The following ALOXE3 variants were observed in gnomAD, a reference collection of about 807,000 sequenced individuals.
ALOXE3 encodes the protein arachidonate epidermal lipoxygenase 3, also known as hydroperoxide isomerase ALOXE3.
ALOXE3 carries 78 observed loss-of-function variants against 87.5 expected under a neutral mutation model. The observed-to-expected ratio is 0.89, with a 90% CI of 0.74 to 1.08. The LOEUF is 1.08. ALOXE3 is among the 50% of genes least tolerant of loss of function. The pLI is 0.00. For missense variants in ALOXE3, 946 were observed against 912.4 expected (o/e 1.04, Z -0.47); for synonymous variants, 363 against 370.8 (o/e 0.98, Z 0.24).
intron 13 of ALOXE3, among the ~76,000 whole-genome samples, chr17:8,105,390 T>C (rs533276140): frequency 2.4e-4 from 36 of 152,342 alleles, no homozygotes; most frequent in African/African-American, 8.4e-4. Context: ...AGGCCTGCCC[T>C]GGCCACCTCC....
chr17:8,117,746 T>G (rs1264858362), intron 2 of ALOXE3, 98 bp downstream of exon 2: 3 of 1,541,070 alleles, frequency 1.9e-6, no homozygotes, highest in South Asian at 1.2e-5. Flanking sequence ...GCCGGTATCC[T>G]GAGTTCAGCA....
intron 13 of ALOXE3, among the ~76,000 whole-genome samples, chr17:8,106,541 A>T (rs920952931): frequency 4.6e-5 from 7 of 152,314 alleles, no homozygotes; most frequent in African/African-American, 1.7e-4. Context: ...GCAAAAACAA[A>T]AAATAAAAAC....
In ALOXE3 at chr17:8,115,749, C is replaced by T. The variant is rs3027217; in HGVS notation, c.353-61G>A. On this transcript the variant is annotated intron_variant, in intron 3 of 15. Coordinates refer to ENST00000448843, the MANE Select transcript of ALOXE3 (RefSeq NM_021628.3). ...CTTTTCCAACAACATCTTCTGCAAA[C>T]CTTGCCTGAACCCCCTGACCCTTGA... is the stretch of plus-strand genomic sequence containing the variant. 6.6e-3 allele frequency: 10,225 copies of T among 1,543,076 alleles called. 59 individuals carry two copies. The highest frequency in any genetic ancestry group is 0.026 in the Middle Eastern group (154 of 5,854).
At chr17:8,111,227 T>A in intron 8 of ALOXE3, 132 bp downstream of exon 8, 2 of 1,144,940 alleles carry the variant, frequency 1.7e-6, no homozygotes, top group South Asian at 2.6e-5. Flanking sequence ...GGACCATGGC[T>A]GCCCAGAGGA....
At chr17:8,108,691 C>T in intron 12 of ALOXE3, 102 bp from the exon 13 acceptor site, 1 of 1,536,712 alleles carries the variant, frequency 6.5e-7, no homozygotes. Flanking sequence ...GACAGATAGC[C>T]ATGGGGGTTC....
intron 15 of ALOXE3, among the ~76,000 whole-genome samples, chr17:8,097,916 T>G (rs2151828564): frequency 6.6e-6 from 1 of 151,696 alleles, no homozygotes; most frequent in East Asian, 2.0e-4. Flanking sequence ...CCTGGCTAAT[T>G]TTTTGTATTT....
chr17:8,097,841 G>A (rs1033858540), intron 15 of ALOXE3, among the ~76,000 whole-genome samples: 15 of 150,056 alleles, frequency 1.0e-4, no homozygotes, highest in Admixed American at 5.4e-4. Context: ...TCTACCTCCC[G>A]GGTTCACGCT....
At chr17:8,112,000 G>T in intron 7 of ALOXE3, 93 bp downstream of exon 7, 1 of 1,147,174 alleles carries the variant, frequency 8.7e-7, no homozygotes, top group Non-Finnish European at 1.3e-6. Flanking sequence ...TCCCTGGGAG[G>T]GCTGGGAGAG....
chr17:8,107,840 A>AGGTTGGTGGCTGGAGGG (rs1491185832), intron 13 of ALOXE3, among the ~76,000 whole-genome samples: 54 of 4,406 alleles, frequency 0.012, no homozygotes, highest in Middle Eastern at 0.12. Context: ...AAAGAAAGAA[A>AGGTTGGTGGCTGGAGGG]GAAAGAAAGA....
chr17:8,106,911 A>C (rs139668739), intron 13 of ALOXE3, among the ~76,000 whole-genome samples: 268 of 152,352 alleles, frequency 1.8e-3, no homozygotes, highest in African/African-American at 5.9e-3. Context: ...GAGTTGAATT[A>C]ACCTCAGACT....
At position 8,108,019 on chromosome 17, in the gene ALOXE3, GAAAGAA is replaced by G. The variant is rs1979638730; in HGVS notation, c.1684+443_1684+448del. Reference sequence around the variant, plus strand: ...GGAAGGAAAGAAAGAAAGAAAGAAAGAAAGAAAGAAAGAAAGAAAGAAAGAAAGAAA... The same window carrying G: ...GGAAGGAAAGAAAGAAAGAAAGAAAGAGAAAGAAAGAAAGAAAGAAAGAAA... On this transcript the variant is annotated intron_variant, in intron 13 of 15. Transcript: ENST00000448843. 1.7e-5 allele frequency among the ~76,000 whole-genome samples: 2 copies of G among 116,050 alleles called. 1 individual carries two copies. Among genetic ancestry groups the G allele is most frequent in the Non-Finnish European group, 3.8e-5 (2 of 52,968 alleles). The allele number at this position is 116,050 out of a possible 152,430, so 76.1% of individuals were successfully genotyped here.
rs1041200420 is a variant in ALOXE3 at position 8,104,162 on chromosome 17, T to C, written c.1738A>G (p.Ile580Val). The C allele has an allele frequency of 2.5e-6, 4 of 1,613,902 alleles. No individual in the cohort carries two copies. Among genetic ancestry groups the C allele is most frequent in the South Asian group, 1.1e-5 (1 of 91,068 alleles). The change falls in exon 14 of 16, where the codon ATC becomes GTC. Residue 580 changes from isoleucine (I) to valine (V), a missense_variant. Physicochemically the swap from Ile to Val is conservative, Grantham distance 29. Transcript: ENST00000448843. Reference protein sequence around the residue: ...PGEMVKFLTAIIFNCSAQHAA... With the variant: ...PGEMVKFLTAVIFNCSAQHAA... Reference sequence around the variant, plus strand: ...TGCTGGGCAGAGCAATTGAAGATGATTGCAGTGAGGAACTTCACCATCTCT... The same window carrying C: ...TGCTGGGCAGAGCAATTGAAGATGACTGCAGTGAGGAACTTCACCATCTCT...
chr17:8,096,020 T>C lies in ALOXE3; in HGVS notation c.*607A>G, dbSNP rs1453099124. 1.3e-5 allele frequency: 2 copies of C among 152,280 alleles called. No individual in the cohort carries two copies. The highest frequency in any genetic ancestry group is 6.5e-5 in the Admixed American group (1 of 15,286). 9.4% of individuals were successfully genotyped at this position (152,280 alleles called of 1,614,324 possible). On this transcript the variant is annotated 3_prime_UTR_variant, in exon 16 of 16. Coordinates refer to ENST00000448843, the MANE Select transcript of ALOXE3 (RefSeq NM_021628.3). Reference sequence around the variant, plus strand: ...GATGAAATCTTTGGAGAAAGACAGATCTCCACAAACACCCCAGGCCTGGGA... The same window carrying C: ...GATGAAATCTTTGGAGAAAGACAGACCTCCACAAACACCCCAGGCCTGGGA...
intron 11 of ALOXE3, 151 bp downstream of exon 11, chr17:8,109,765 G>A (rs373924155): frequency 1.2e-6 from 1 of 803,636 alleles, no homozygotes; most frequent in Middle Eastern, 3.7e-4. Flanking sequence ...CGGAGTGGGC[G>A]GGGCTGGTGG....
intron 13 of ALOXE3, 114 bp from the exon 14 acceptor site, chr17:8,104,329 C>A (rs1598199299): frequency 1.3e-6 from 1 of 795,344 alleles, no homozygotes; most frequent in Non-Finnish European, 2.1e-6. Context: ...GAACACCGAG[C>A]CATGACTGTC....
chr17:8,099,912 A>G (rs1382624268), intron 15 of ALOXE3, among the ~76,000 whole-genome samples: 2 of 151,964 alleles, frequency 1.3e-5, no homozygotes, highest in Non-Finnish European at 2.9e-5. Context: ...TCTACCAAAA[A>G]TCAAAAAATT....
intron 13 of ALOXE3, among the ~76,000 whole-genome samples, chr17:8,106,513 C>CA (rs955255227): frequency 5.3e-5 from 8 of 151,560 alleles, no homozygotes; most frequent in Non-Finnish European, 1.2e-4. Context: ...GACCCTGTCT[C>CA]AAAAAAACAA....
At chr17:8,106,281 G>T (rs1979304730) in intron 13 of ALOXE3, among the ~76,000 whole-genome samples, 1 of 152,168 alleles carries the variant, frequency 6.6e-6, no homozygotes, top group African/African-American at 2.4e-5. Flanking sequence ...GACGGAGGCT[G>T]ATGCAACAGA....
intron 2 of ALOXE3, 56 bp downstream of exon 2, chr17:8,117,788 C>A (rs539299299): frequency 6.3e-7 from 1 of 1,581,130 alleles, no homozygotes; most frequent in Non-Finnish European, 8.6e-7. Flanking sequence ...AATACTCCTC[C>A]CGCCTGCGGC....
Sources: allele counts gnomAD v4.1 joint callset (sites outside exome capture counted in the v4.1 genomes callset), GRCh38; gene constraint gnomAD v4.1.1; transcripts MANE v1.5; gene names NCBI Gene and HGNC (gene_info 2026-07-23, HGNC 2026-07-21).